The following ZNF586 variants were observed in gnomAD, a reference collection of about 807,000 sequenced individuals.
ZNF586 encodes the protein zinc finger protein 586.
In ZNF586, 7 loss-of-function variants were observed where a neutral mutation model predicts 6.7. That is an observed-to-expected ratio of 1.04 (90% confidence interval 0.59 to 1.95). The LOEUF (loss-of-function observed/expected upper bound fraction) is 1.95, where lower values mean the gene tolerates loss of function less well. Among genes scored for constraint, ZNF586 ranks in the 30% most tolerant of loss-of-function variants. The pLI is 0.00. For synonymous variants in ZNF586, 166 were observed against 168.7 expected (o/e 0.98, Z 0.12); for missense variants, 442 against 489.6 (o/e 0.90, Z 0.92).
chr19:57,778,854 G>A lies in ZNF586; in HGVS notation c.267G>A (p.Glu89=). Residue 89 remains glutamate (E), a synonymous_variant, in exon 3 of 3, where the codon GAG becomes GAA. Transcript: ENST00000396154. ...QGGHSGERPY[E]CGEYRKLFKN... ...GTCATAGTGGAGAAAGGCCTTATGA[G>A]TGTGGGGAATATAGGAAATTATTTA... 6.2e-7 allele frequency: 1 copy of A among 1,614,138 alleles called. No individual in the cohort carries two copies. Among genetic ancestry groups the A allele is most frequent in the East Asian group, 2.2e-5 (1 of 44,880 alleles).
At chr19:57,774,995 CTTTT>C (rs200140464) in intron 1 of ZNF586, among the ~76,000 whole-genome samples, 19,304 of 135,148 alleles carry the variant, frequency 0.14, 1,543 homozygotes, top group Admixed American at 0.19. Context: ...GTTTCAGTTT[CTTTT>C]TTTCTTTTTT....
At chr19:57,775,153 C>T (rs1402515980) in intron 1 of ZNF586, among the ~76,000 whole-genome samples, 1 of 152,186 alleles carries the variant, frequency 6.6e-6, no homozygotes, top group East Asian at 1.9e-4. Context: ...CCCGCCACCA[C>T]ACCCGGCTAA....
chr19:57,779,860 A>G lies in ZNF586; in HGVS notation c.*64A>G, dbSNP rs2158013. The G allele has an allele frequency of 0.58, 780,187 of 1,343,278 alleles. 233,590 individuals carry two copies. Among genetic ancestry groups the G allele is most frequent in the African/African-American group, 0.9 (61,587 of 68,336 alleles). 83.2% of individuals were successfully genotyped at this position (1,343,278 alleles called of 1,614,324 possible). Reference sequence around the variant, plus strand: ...CCTTCAAGGCCAGAGAGTTCACACCAGATCAAGGTGTTATGAGTGTGACAA... The same window carrying G: ...CCTTCAAGGCCAGAGAGTTCACACCGGATCAAGGTGTTATGAGTGTGACAA... On this transcript the variant is annotated 3_prime_UTR_variant, in exon 3 of 3. Transcript: ENST00000396154.
chr19:57,769,735 C>A lies in ZNF586; in HGVS notation c.-108C>A. The A allele has an allele frequency of 1.7e-6, 2 of 1,178,008 alleles. No homozygotes were observed. Among genetic ancestry groups the A allele is most frequent in the Admixed American group, 2.0e-5 (1 of 49,812 alleles). The allele number at this position is 1,178,008 out of a possible 1,614,324, so 73.0% of individuals were successfully genotyped here. On this transcript the variant is annotated 5_prime_UTR_variant, in exon 1 of 3. Coordinates refer to ENST00000396154, the MANE Select transcript of ZNF586 (RefSeq NM_017652.4). The stretch of plus-strand genomic sequence containing the variant: ...ACGAGCTCGGGAGGAGTGGTTGTGG[C>A]CATTGCACACAGGCGGATCTGAGGT...
At chr19:57,771,300 G>GAAA (rs61324595) in intron 1 of ZNF586, among the ~76,000 whole-genome samples, 8 of 133,816 alleles carry the variant, frequency 6.0e-5, no homozygotes, top group Middle Eastern at 3.8e-3. Context: ...GACTCCGTCT[G>GAAA]AAAAAAAAAA....
chr19:57,775,181 G>A (rs927254262), intron 1 of ZNF586, among the ~76,000 whole-genome samples: 88 of 152,194 alleles, frequency 5.8e-4, no homozygotes, highest in South Asian at 6.2e-4. Flanking sequence ...ATTTTTAGTA[G>A]AGACGGGGTT....
In ZNF586 at chr19:57,779,648, T is replaced by C. The variant is rs1260462246; in HGVS notation, c.1061T>C (p.Phe354Ser). ...PYECSDCGKS[F>S]AENSSLIKHL... ...GAGTGCAGTGACTGTGGGAAATCCT[T>C]TGCTGAAAACTCCAGCCTTATTAAA... The change falls in exon 3 of 3, where the codon TTT (phenylalanine) becomes TCT (serine). Residue 354 changes from phenylalanine (F) to serine (S), a missense_variant. Phe to Ser is a radical substitution (Grantham distance 155, BLOSUM62 -2). Coordinates refer to ENST00000396154, the MANE Select transcript of ZNF586 (RefSeq NM_017652.4). The C allele has an allele frequency of 6.2e-7, 1 of 1,613,654 alleles. No individual in the cohort carries two copies. Among genetic ancestry groups the C allele is most frequent in the African/African-American group, 1.3e-5 (1 of 74,880 alleles).
Position 57,775,441 on chromosome 19 carries a change from G to A in ZNF586, c.37-1102G>A, listed in dbSNP as rs1987211343. 4.6e-5 allele frequency among the ~76,000 whole-genome samples: 7 copies of A among 152,196 alleles called. No individual in the cohort carries two copies. The South Asian group carries it at 1.5e-3, about 32-fold the overall frequency. ...ACCCAGGAAGTTCAGGCTGCAGTGA[G>A]CTGTGATTGTGCCACTATGCTCCAG... is the stretch of plus-strand genomic sequence containing the variant. On this transcript the variant is annotated intron_variant, in intron 1 of 2. Coordinates refer to ENST00000396154, the MANE Select transcript of ZNF586 (RefSeq NM_017652.4).
intron 1 of ZNF586, among the ~76,000 whole-genome samples, chr19:57,775,857 G>A (rs941465703): frequency 5.3e-5 from 8 of 152,136 alleles, no homozygotes; most frequent in Middle Eastern, 3.4e-3. Flanking sequence ...CCGCCTCGGC[G>A]TCCCAAATTA....
chr19:57,774,891 C>G, intron 1 of ZNF586: 1 of 263,540 alleles, frequency 3.8e-6, no homozygotes, highest in Non-Finnish European at 5.9e-6. Context: ...ATCTCCCTCC[C>G]CACTCTGCTC....
chr19:57,774,352 G>A (rs113337060), intron 1 of ZNF586, among the ~76,000 whole-genome samples: 35 of 151,278 alleles, frequency 2.3e-4, no homozygotes, highest in Middle Eastern at 3.4e-3. Context: ...GAGAAACCCC[G>A]TCTCTACTAA....
Position 57,769,801 on chromosome 19 carries a change from C to T in ZNF586, c.-42C>T. On this transcript the variant is annotated 5_prime_UTR_variant, in exon 1 of 3. Coordinates refer to ENST00000396154, the MANE Select transcript of ZNF586 (RefSeq NM_017652.4). Reference sequence around the variant, plus strand: ...GTCGCGACCCGGGACAGGACAACGACAGGAACACCGCCGAGCCCGCGTTCC... The same window carrying T: ...GTCGCGACCCGGGACAGGACAACGATAGGAACACCGCCGAGCCCGCGTTCC... The T allele has an allele frequency of 1.3e-6, 2 of 1,541,542 alleles. No homozygotes were observed. Among genetic ancestry groups the T allele is most frequent in the Non-Finnish European group, 8.7e-7 (1 of 1,144,066 alleles).
chr19:57,770,449 C>CA (rs961314972), intron 1 of ZNF586, among the ~76,000 whole-genome samples: 2 of 152,156 alleles, frequency 1.3e-5, no homozygotes, highest in African/African-American at 2.4e-5. Flanking sequence ...TCTTCAGTAC[C>CA]AGGCTGAGGG....
intron 2 of ZNF586, among the ~76,000 whole-genome samples, chr19:57,777,786 G>A (rs1253354276): frequency 1.0e-5 from 1 of 98,624 alleles, no homozygotes; most frequent in South Asian, 3.1e-4. Context: ...ATGGAGTTTC[G>A]CTCTTGTTTC....
At chr19:57,777,193 A>G (rs1987257604) in intron 2 of ZNF586, among the ~76,000 whole-genome samples, 4 of 152,218 alleles carry the variant, frequency 2.6e-5, no homozygotes, top group Admixed American at 2.6e-4. Context: ...CCAACATAGC[A>G]GGTCCTCATC....
In ZNF586 at chr19:57,779,825, GC is replaced by G; in HGVS notation, c.*30del. 6.5e-7 allele frequency: 1 copy of G among 1,543,902 alleles called. No individual in the cohort carries two copies. On this transcript the variant is annotated 3_prime_UTR_variant, in exon 3 of 3. Transcript: ENST00000396154. ...AAATTTTGGAAATTCTCTTGCCCAG[GC>G]TTTTTGCTCCTTCAAGGCCAGAGAG...
At position 57,778,865 on chromosome 19, in the gene ZNF586, A is replaced by G. The variant is rs1296520937; in HGVS notation, c.278A>G (p.Tyr93Cys). The G allele has an allele frequency of 1.2e-6, 2 of 1,613,658 alleles. No individual in the cohort carries two copies. The highest frequency in any genetic ancestry group is 1.7e-6 in the Non-Finnish European group (2 of 1,179,910). Reference sequence around the variant, plus strand: ...GAAAGGCCTTATGAGTGTGGGGAATATAGGAAATTATTTAAGAACAAGTCC... The same window carrying G: ...GAAAGGCCTTATGAGTGTGGGGAATGTAGGAAATTATTTAAGAACAAGTCC... ...SGERPYECGE[Y>C]RKLFKNKSCL... The change falls in exon 3 of 3, where the codon TAT (tyrosine) becomes TGT (cysteine). Residue 93 changes from tyrosine to cysteine, a missense_variant. By Grantham distance (194) the Tyr-to-Cys change is radical. Transcript: ENST00000396154.
At position 57,779,618 on chromosome 19, in the gene ZNF586, CT is replaced by C; in HGVS notation, c.1033del (p.Tyr345MetfsTer20). On this transcript the variant is annotated frameshift_variant, in exon 3 of 3. Transcript: ENST00000396154. LOFTEE classifies it low-confidence loss of function (END_TRUNC). The stretch of plus-strand genomic sequence containing the variant: ...CTGAGAGTTCACACTGGAGAAAGGC[CT>C]TATGAGTGCAGTGACTGTGGGAAAT... ...IHLRVHTGER[P>X]YECSDCGKSF... The C allele has an allele frequency of 1.2e-6, 2 of 1,613,898 alleles. No homozygotes were observed. Among genetic ancestry groups the C allele is most frequent in the Non-Finnish European group, 1.7e-6 (2 of 1,180,016 alleles).
intron 1 of ZNF586, among the ~76,000 whole-genome samples, chr19:57,775,892 G>A (rs772948161): frequency 6.6e-5 from 10 of 152,238 alleles, no homozygotes; most frequent in South Asian, 2.1e-4. Context: ...GTGCGCCACC[G>A]CGCCCGGCCA....
Sources: gnomAD v4.1 joint callset for allele counts (sites outside exome capture counted in the v4.1 genomes callset) on GRCh38, gnomAD v4.1.1 for gene constraint, MANE v1.5 for transcripts, NCBI Gene and HGNC (gene_info 2026-07-23, HGNC 2026-07-21) for gene names.